PPARA: variants seen among roughly 807,000 people sequenced by gnomAD.
PPARA encodes peroxisome proliferator activated receptor alpha.
A neutral mutation model predicts 42.2 loss-of-function variants in PPARA; 22 were observed. The ratio of observed to expected loss-of-function variants is 0.52; its 90% CI spans 0.37 to 0.74. PPARA has a LOEUF of 0.74. PPARA is among the 30% of genes least tolerant of loss of function. The probability of loss-of-function intolerance (pLI) is 0.00; values close to 1 mark genes in which losing one functional copy is unlikely to be tolerated. For synonymous variants in PPARA, 242 were observed against 239.3 expected, an observed-to-expected ratio of 1.01 and a Z score of -0.10; for missense variants, 465 against 608.2, an observed-to-expected ratio of 0.76 and a Z score of 2.48.
rs1926544166 is a variant in PPARA at position 46,163,546 on chromosome 22, T to C, written c.-127+11576T>C. 6.6e-6 allele frequency: 1 copy of C among 152,226 alleles called. No homozygotes were observed. The highest frequency in any genetic ancestry group is 1.5e-5 in the Non-Finnish European group (1 of 68,048). The allele number at this position is 152,226 out of a possible 1,614,324, so 9.4% of individuals were successfully genotyped here. ...AGCAGGCTCCTGGCTGTGGCGAGCT[T>C]GACTCCATTTGGTTTGATAGAAATG... is the stretch of plus-strand genomic sequence containing the variant. On this transcript the variant is annotated intron_variant, in intron 2 of 8. Coordinates refer to ENST00000407236, the MANE Select transcript of PPARA (RefSeq NM_005036.6). The surrounding 1 kb of genome is among the most constrained non-coding windows in gnomAD (Gnocchi z 4.9).
In PPARA at chr22:46,242,730, T is replaced by TACACAC. The variant is rs1569263328; in HGVS notation, c.*7350_*7351insACACAC. The TACACAC allele has an allele frequency of 9.9e-6, 1 of 100,652 alleles. No individual in the cohort carries two copies. The highest frequency in any genetic ancestry group is 5.5e-5 in the African/African-American group (1 of 18,022). 6.2% of individuals were successfully genotyped at this position (100,652 alleles called of 1,614,324 possible). A position where few individuals can be genotyped will look rare whatever the true frequency, so the allele number is the denominator to read the frequency against. On this transcript the variant is annotated 3_prime_UTR_variant, in exon 9 of 9. Transcript: ENST00000407236. This position sits in a 1 kb window ranked among gnomAD's most constrained non-coding sequence, Gnocchi z 6.1. ...AAAATACACTGCGTACACGTGTGCG[T>TACACAC]GCACACACACACACACACACACACA...
At position 46,242,011 on chromosome 22, in the gene PPARA, A is replaced by T. The variant is rs1038828764; in HGVS notation, c.*6631A>T. ...GGGGGGTCAGCTTTTATTTTATTTT[A>T]TTTTTTTTAAGTTTGCTAGTTGGGT... On this transcript the variant is annotated 3_prime_UTR_variant, in exon 9 of 9. Coordinates refer to ENST00000407236, the MANE Select transcript of PPARA (RefSeq NM_005036.6). The surrounding 1 kb of genome is among the most constrained non-coding windows in gnomAD (Gnocchi z 6.1). 3 of 151,006 alleles carry T rather than the reference A, an allele frequency of 2.0e-5. No homozygotes were observed. The highest frequency in any genetic ancestry group is 4.9e-5 in the African/African-American group (2 of 41,082). 9.4% of individuals were successfully genotyped at this position (151,006 alleles called of 1,614,324 possible). A position where few individuals can be genotyped will look rare whatever the true frequency, so the allele number is the denominator to read the frequency against.
chr22:46,224,824 T>C lies in PPARA; in HGVS notation c.711+4810T>C, dbSNP rs1935281355. 6.6e-6 allele frequency among the ~76,000 whole-genome samples: 1 copy of C among 152,198 alleles called. No individual in the cohort carries two copies. Among genetic ancestry groups the C allele is most frequent in the South Asian group, 2.1e-4 (1 of 4,830 alleles). On this transcript the variant is annotated intron_variant, in intron 7 of 8. Transcript: ENST00000407236. This position sits in a 1 kb window ranked among gnomAD's most constrained non-coding sequence, Gnocchi z 5.7. ...AGCACGGGGGATGGATAGATTTTAATTTCAAAGCAGCCCTCTGGTTTGCTA... is the reference window on the plus strand; with the variant it reads ...AGCACGGGGGATGGATAGATTTTAACTTCAAAGCAGCCCTCTGGTTTGCTA...
At position 46,159,222 on chromosome 22, in the gene PPARA, T is replaced by G. The variant is rs369726028; in HGVS notation, c.-127+7252T>G. Among the ~76,000 whole-genome samples, 11 of 152,050 alleles carry G rather than the reference T, an allele frequency of 7.2e-5. No homozygotes were observed. The East Asian group carries it at 1.3e-3, about 19-fold the overall frequency. On this transcript the variant is annotated intron_variant, in intron 2 of 8. Coordinates refer to ENST00000407236, the MANE Select transcript of PPARA (RefSeq NM_005036.6). ...TCTATCTGTGCATTGGGGATGAAAT[T>G]AACACAAATGATGTTTAAAGAAAAA...
rs1211670516 is a variant in PPARA, at chr22:46,230,200, C to A, written c.712-1592C>A. On this transcript the variant is annotated intron_variant, in intron 7 of 8. Transcript: ENST00000407236. The surrounding 1 kb of genome is among the most constrained non-coding windows in gnomAD (Gnocchi z 5.0). Reference sequence around the variant, plus strand: ...CAGCCTGACCAACATGGTGTAACCCCGTCTCTACTAAAAATACAAAATTAG... The same window carrying A: ...CAGCCTGACCAACATGGTGTAACCCAGTCTCTACTAAAAATACAAAATTAG... Among the ~76,000 whole-genome samples, 2 of 152,084 alleles carry A rather than the reference C, an allele frequency of 1.3e-5. No individual in the cohort carries two copies. The highest frequency in any genetic ancestry group is 3.9e-4 in the East Asian group (2 of 5,186).
At chr22:46,186,734 G>GA (rs1298056508) in intron 3 of PPARA, among the ~76,000 whole-genome samples, 3 of 151,960 alleles carry the variant, frequency 2.0e-5, no homozygotes, top group Non-Finnish European at 4.4e-5. Flanking sequence ...ATAAATAAAA[G>GA]AAAAGAACAA....
At chr22:46,208,691 T>A (rs1289299791) in intron 4 of PPARA, among the ~76,000 whole-genome samples, 1 of 152,054 alleles carries the variant, frequency 6.6e-6, no homozygotes, top group Non-Finnish European at 1.5e-5. Flanking sequence ...TTGACCAACA[T>A]CTCCCCATTC....
rs1349193867 is a variant in PPARA at position 46,150,641 on chromosome 22, A to G, written c.-221A>G. 4 of 115,352 alleles carry G rather than the reference A, an allele frequency of 3.5e-5. No individual in the cohort carries two copies. The highest frequency in any genetic ancestry group is 1.3e-4 in the African/African-American group (4 of 30,926). The allele number at this position is 115,352 out of a possible 1,614,324, so 7.1% of individuals were successfully genotyped here. On this transcript the variant is annotated 5_prime_UTR_variant, in exon 1 of 9. Transcript: ENST00000407236. This position sits in a 1 kb window ranked among gnomAD's most constrained non-coding sequence, Gnocchi z 7.5. ...CGCCCCACGGACCGGCAGGCGGCGG[A>G]CCGCGGCCCAGGTGCCCGGGGGCGG...
chr22:46,233,827 CT>C lies in PPARA; in HGVS notation c.1160-1292del, dbSNP rs568892799. 8.8e-3 allele frequency among the ~76,000 whole-genome samples: 1,254 copies of C among 142,706 alleles called. 12 individuals are homozygous for C. Among genetic ancestry groups the C allele is most frequent in the African/African-American group, 0.024 (944 of 39,106 alleles). 93.6% of individuals were successfully genotyped at this position (142,706 alleles called of 152,430 possible). A position where few individuals can be genotyped will look rare whatever the true frequency, so the allele number is the denominator to read the frequency against. On this transcript the variant is annotated intron_variant, in intron 8 of 8. Transcript: ENST00000407236. The surrounding 1 kb of genome is among the most constrained non-coding windows in gnomAD (Gnocchi z 7.3). ...ATTTCTATTTTTCAAAAGATTCCTC[CT>C]TTTTTTTTTTTTTGAGACAGAGTCT...
intron 3 of PPARA, among the ~76,000 whole-genome samples, chr22:46,178,920 C>G (rs1483743200): frequency 6.6e-6 from 1 of 152,076 alleles, no homozygotes; most frequent in Admixed American, 6.6e-5. Context: ...CAGATGTGTA[C>G]ACAGTGAAGC....
intron 3 of PPARA, among the ~76,000 whole-genome samples, chr22:46,194,719 C>T (rs547882756): frequency 1.3e-5 from 2 of 151,436 alleles, no homozygotes; most frequent in East Asian, 1.9e-4. Flanking sequence ...TTACAGGCAC[C>T]TGCCACCAAG....
In PPARA at chr22:46,180,247, C is replaced by T. The variant is rs1297949044; in HGVS notation, c.-43+3411C>T. Among the ~76,000 whole-genome samples, 2 of 149,134 alleles carry T rather than the reference C, an allele frequency of 1.3e-5. No homozygotes were observed. The highest frequency in any genetic ancestry group is 3.0e-5 in the Non-Finnish European group (2 of 67,600). The stretch of plus-strand genomic sequence containing the variant: ...GCTCTCCCAGGCTGGAGTACAGTGG[C>T]GCGATCTCAGCTCACTGCAACCTCT... On this transcript the variant is annotated intron_variant, in intron 3 of 8. Coordinates refer to ENST00000407236, the MANE Select transcript of PPARA (RefSeq NM_005036.6). The surrounding 1 kb of genome is among the most constrained non-coding windows in gnomAD (Gnocchi z 4.2).
In PPARA at chr22:46,196,969, C is replaced by A. The variant is rs1601713179; in HGVS notation, c.-42-1373C>A. Among the ~76,000 whole-genome samples the A allele has an allele frequency of 6.6e-6, 1 of 152,166 alleles. No individual in the cohort carries two copies. Among genetic ancestry groups the A allele is most frequent in the Non-Finnish European group, 1.5e-5 (1 of 68,036 alleles). On this transcript the variant is annotated intron_variant, in intron 3 of 8. Transcript: ENST00000407236. This position sits in a 1 kb window ranked among gnomAD's most constrained non-coding sequence, Gnocchi z 5.6. ...AACTCCTGACCTCGTGATCTGCCCA[C>A]CTGGGCCTCCCAAAGTGCTGGGATT...
At chr22:46,153,113 T>A (rs1293249647) in intron 2 of PPARA, among the ~76,000 whole-genome samples, 6 of 151,406 alleles carry the variant, frequency 4.0e-5, no homozygotes, top group African/African-American at 1.2e-4. Context: ...ATAAAATTAA[T>A]TAACTAATTG....
intron 4 of PPARA, 148 bp downstream of exon 4, chr22:46,198,739 C>A: frequency 1.2e-6 from 1 of 803,614 alleles, no homozygotes; most frequent in Non-Finnish European, 1.9e-6. Context: ...CGGCTCACTG[C>A]AGGCTCCACC....
Position 46,156,794 on chromosome 22 carries a change from G to A in PPARA, c.-127+4824G>A, listed in dbSNP as rs890263560. Among the ~76,000 whole-genome samples, 2 of 152,204 alleles carry A rather than the reference G, an allele frequency of 1.3e-5. No homozygotes were observed. The highest frequency in any genetic ancestry group is 4.8e-5 in the African/African-American group (2 of 41,444). On this transcript the variant is annotated intron_variant, in intron 2 of 8. Coordinates refer to ENST00000407236, the MANE Select transcript of PPARA (RefSeq NM_005036.6). This position sits in a 1 kb window ranked among gnomAD's most constrained non-coding sequence, Gnocchi z 5.2. ...TTTTTGTATTTTTAGTAGAGATGGA[G>A]TTTCACCATGTTGGCCAGGCTGGTT... is the stretch of plus-strand genomic sequence containing the variant.
In PPARA at chr22:46,173,503, C is replaced by T. The variant is rs1164268227; in HGVS notation, c.-126-3250C>T. ...CAATATAAGTTACTATAAGTCAGTACTAAGGCAGCTGCTACATTCTGTTTG... is the reference window on the plus strand; with the variant it reads ...CAATATAAGTTACTATAAGTCAGTATTAAGGCAGCTGCTACATTCTGTTTG... On this transcript the variant is annotated intron_variant, in intron 2 of 8. Coordinates refer to ENST00000407236, the MANE Select transcript of PPARA (RefSeq NM_005036.6). The surrounding 1 kb of genome is among the most constrained non-coding windows in gnomAD (Gnocchi z 4.3). Among the ~76,000 whole-genome samples, 1 of 152,142 alleles carries T rather than the reference C, an allele frequency of 6.6e-6. No homozygotes were observed. The highest frequency in any genetic ancestry group is 1.5e-5 in the Non-Finnish European group (1 of 68,038).
At chr22:46,210,231 C>A (rs992811566) in intron 4 of PPARA, among the ~76,000 whole-genome samples, 1 of 149,872 alleles carries the variant, frequency 6.7e-6, no homozygotes, top group Non-Finnish European at 1.5e-5. Flanking sequence ...ATTGCTTGAA[C>A]CCGGGAGGCA....
chr22:46,213,839 C>T (rs919475722), intron 4 of PPARA, among the ~76,000 whole-genome samples: 2 of 152,178 alleles, frequency 1.3e-5, no homozygotes, highest in Non-Finnish European at 2.9e-5. Flanking sequence ...TCCGCTTGCT[C>T]CGGCCTCCCA....
Sources: allele counts gnomAD v4.1 joint callset (sites outside exome capture counted in the v4.1 genomes callset), GRCh38; gene constraint gnomAD v4.1.1; non-coding constraint Gnocchi (gnomAD v3.1); transcripts MANE v1.5; gene names NCBI Gene and HGNC (gene_info 2026-07-23, HGNC 2026-07-21).